AGBL4: variants seen among roughly 807,000 people sequenced by gnomAD.
AGBL4 encodes cytosolic carboxypeptidase 6.
Under a neutral mutation model 66.4 loss-of-function variants are expected in AGBL4, and 58 were observed. The ratio of observed to expected loss-of-function variants is 0.87; its 90% CI spans 0.71 to 1.09. The LOEUF is 1.09. Among genes scored for constraint, AGBL4 ranks in the 50% least tolerant of loss-of-function variants. The pLI, the probability that AGBL4 is intolerant of heterozygous loss-of-function variation, is 0.00. For missense variants in AGBL4, 579 were observed against 631.0 expected (o/e 0.92, Z 0.88); for synonymous variants, 234 against 222.9 (o/e 1.05, Z -0.44).
At chr1:48,649,320 C>T (rs918119493) in intron 8 of AGBL4, among the ~76,000 whole-genome samples, 2 of 152,090 alleles carry the variant, frequency 1.3e-5, no homozygotes, top group African/African-American at 4.8e-5. Flanking sequence ...AAACCTAAGA[C>T]CTGAAATGAA....
intron 4 of AGBL4, among the ~76,000 whole-genome samples, chr1:49,206,698 C>CA (rs988635797): frequency 6.6e-6 from 1 of 151,742 alleles, no homozygotes; most frequent in African/African-American, 2.4e-5. Flanking sequence ...GCGTCACTGA[C>CA]AAAAAAATCA....
intron 1 of AGBL4, among the ~76,000 whole-genome samples, chr1:49,973,663 T>G (rs1658326408): frequency 1.3e-5 from 2 of 148,484 alleles, no homozygotes; most frequent in African/African-American, 2.4e-5. Context: ...ATATGGTATA[T>G]GAATGATATT....
chr1:48,940,848 A>G (rs1655908099), intron 5 of AGBL4, among the ~76,000 whole-genome samples: 1 of 152,242 alleles, frequency 6.6e-6, no homozygotes, highest in African/African-American at 2.4e-5. Flanking sequence ...TTAGAAAGCA[A>G]GAAGGGTTAA....
At chr1:49,336,649 A>C (rs964026579) in intron 3 of AGBL4, among the ~76,000 whole-genome samples, 7 of 152,160 alleles carry the variant, frequency 4.6e-5, no homozygotes, top group African/African-American at 1.7e-4. Context: ...TCTTAATTTA[A>C]ATCTTTCATC....
At chr1:49,228,118 GA>G (rs1363826121) in intron 4 of AGBL4, among the ~76,000 whole-genome samples, 19 of 152,154 alleles carry the variant, frequency 1.2e-4, no homozygotes, top group Admixed American at 1.2e-3. Context: ...AAGCATAAGG[GA>G]AATATGTTAT....
intron 9 of AGBL4, among the ~76,000 whole-genome samples, chr1:48,629,205 A>G (rs1645554041): frequency 6.6e-6 from 1 of 152,122 alleles, no homozygotes; most frequent in South Asian, 2.1e-4. Context: ...TTAGCTTTCT[A>G]AGATCATAAC....
intron 6 of AGBL4, among the ~76,000 whole-genome samples, chr1:48,831,714 G>A (rs1558025492): frequency 6.6e-6 from 1 of 152,202 alleles, no homozygotes; most frequent in Non-Finnish European, 1.5e-5. Context: ...TTTGACATGA[G>A]TTGGGTGAGG....
chr1:49,751,810 T>A (rs1055068694), intron 2 of AGBL4, among the ~76,000 whole-genome samples: 2 of 152,182 alleles, frequency 1.3e-5, no homozygotes, highest in African/African-American at 4.8e-5. Flanking sequence ...TCTTAGGTGA[T>A]GTATGTGTCC....
intron 6 of AGBL4, among the ~76,000 whole-genome samples, chr1:48,713,856 TA>T (rs1177488688): frequency 6.6e-6 from 1 of 152,192 alleles, no homozygotes; most frequent in African/African-American, 2.4e-5. Context: ...TTACTGAGTT[TA>T]CTTACATCCC....
At chr1:49,739,154 T>C (rs1650181378) in intron 2 of AGBL4, among the ~76,000 whole-genome samples, 1 of 152,002 alleles carries the variant, frequency 6.6e-6, no homozygotes, top group Non-Finnish European at 1.5e-5. Flanking sequence ...TTAAAAACCT[T>C]GAAAAACGAT....
intron 5 of AGBL4, among the ~76,000 whole-genome samples, chr1:48,946,089 C>T (rs564621194): frequency 6.6e-6 from 1 of 152,278 alleles, no homozygotes; most frequent in African/African-American, 2.4e-5. Context: ...GAAATTGAGC[C>T]TTCCATGTTT....
chr1:48,695,435 A>G (rs1426046511), intron 6 of AGBL4, among the ~76,000 whole-genome samples: 1 of 152,220 alleles, frequency 6.6e-6, no homozygotes, highest in Non-Finnish European at 1.5e-5. Context: ...TTTCAGTATA[A>G]TCAAAGCCAA....
At chr1:48,707,529 G>A (rs1211385548) in intron 6 of AGBL4, among the ~76,000 whole-genome samples, 1 of 152,074 alleles carries the variant, frequency 6.6e-6, no homozygotes. Flanking sequence ...AGAATTTCTG[G>A]GCTGCTCTTG....
chr1:49,767,999 G>T (rs925146786), intron 2 of AGBL4, among the ~76,000 whole-genome samples: 10 of 149,712 alleles, frequency 6.7e-5, no homozygotes, highest in African/African-American at 2.2e-4. Flanking sequence ...AAAAAAAAAG[G>T]ATCTCAAAGA....
At chr1:49,332,020 A>G (rs1187169419) in intron 3 of AGBL4, among the ~76,000 whole-genome samples, 2 of 152,230 alleles carry the variant, frequency 1.3e-5, no homozygotes, top group Non-Finnish European at 2.9e-5. Context: ...TGACCAGGGC[A>G]GAGGTGGTTC....
intron 2 of AGBL4, among the ~76,000 whole-genome samples, chr1:49,739,100 C>G (rs1413677426): frequency 1.3e-5 from 2 of 151,644 alleles, no homozygotes; most frequent in African/African-American, 2.4e-5. Context: ...GACGATCAAA[C>G]TACTCTGAGC....
chr1:48,780,122 CACTCATCA>C (rs1319921062), intron 6 of AGBL4, among the ~76,000 whole-genome samples: 1 of 151,792 alleles, frequency 6.6e-6, no homozygotes, highest in Non-Finnish European at 1.5e-5. Flanking sequence ...TGGTTTGCTG[CACTCATCA>C]ACTCATCAAC....
In AGBL4 at chr1:49,358,611, G is replaced by A. The variant is rs184674688; in HGVS notation, c.283-112747C>T. Among the ~76,000 whole-genome samples, 291 of 152,182 alleles carry A rather than the reference G, an allele frequency of 1.9e-3. 2 individuals are homozygous for A. The highest frequency in any genetic ancestry group is 9.7e-3 in the South Asian group (47 of 4,822). ...TTTACTAACAAGAAATCATTTTCCT[G>A]TGAAACAGTTCGTTTGATTATTGGT... On this transcript the variant is annotated intron_variant, in intron 3 of 13. Transcript: ENST00000371839.
intron 2 of AGBL4, among the ~76,000 whole-genome samples, chr1:49,763,519 T>C (rs1652497039): frequency 6.6e-6 from 1 of 152,196 alleles, no homozygotes; most frequent in African/African-American, 2.4e-5. Flanking sequence ...ACATTGGGAT[T>C]CACTAAGAAA....
Sources: gnomAD v4.1 joint callset for allele counts (sites outside exome capture counted in the v4.1 genomes callset) on GRCh38, gnomAD v4.1.1 for gene constraint, MANE v1.5 for transcripts, NCBI Gene and HGNC (gene_info 2026-07-23, HGNC 2026-07-21) for gene names.